UCP2: variants seen among roughly 807,000 people sequenced by gnomAD.
The protein encoded by UCP2 is dicarboxylate carrier SLC25A8.
In UCP2, 27 loss-of-function variants were observed where a neutral mutation model predicts 31.3. The ratio of observed to expected loss-of-function variants is 0.86; its 90% CI spans 0.64 to 1.19. The LOEUF (loss-of-function observed/expected upper bound fraction) is 1.19. UCP2 is among the 50% of genes most tolerant of loss of function. The probability of loss-of-function intolerance (pLI) is 0.00; values close to 1 mark genes in which losing one functional copy is unlikely to be tolerated. For missense variants in UCP2, 377 were observed against 413.5 expected (o/e 0.91, Z 0.76); for synonymous variants, 142 against 157.4 (o/e 0.90, Z 0.73).
Position 73,976,999 on chromosome 11 carries a change from C to T in UCP2, c.356G>A (p.Arg119His), listed in dbSNP as rs143754624. ...KGSEHASIGS[R>H]LLAGSTTGAL... ...ACCTGTGGTGCTGCCTGCTAGGAGGCGGCTCCCAATGCTGGCATCTGTGGG... is the reference window on the plus strand; with the variant it reads ...ACCTGTGGTGCTGCCTGCTAGGAGGTGGCTCCCAATGCTGGCATCTGTGGG... The change falls in exon 5 of 8, where the codon CGC (arginine) becomes CAC (histidine). Residue 119 changes from arginine (R) to histidine (H), a missense_variant. Physicochemically the swap from Arg to His is conservative, Grantham distance 29. Transcript: ENST00000663595. 10 of 1,600,316 alleles carry T rather than the reference C, an allele frequency of 6.2e-6. No homozygotes were observed. The highest frequency in any genetic ancestry group is 1.7e-4 in the Middle Eastern group (1 of 6,006).
In UCP2 at chr11:73,976,666, G is replaced by A. The variant is rs755206780; in HGVS notation, c.609C>T (p.Ala203=). Residue 203 remains alanine, a synonymous_variant, in exon 6 of 8, where the codon GCC becomes GCT. Coordinates refer to ENST00000663595, the MANE Select transcript of UCP2 (RefSeq NM_003355.3). ...CTGTCATGAGGTTGGCTTTCAGGAG[G>A]GCATCCTTGATGAGGTCATAGGTCA... The part of the protein sequence containing the change: ...ELVTYDLIKD[A]LLKANLMTDD... 2.0e-5 allele frequency: 33 copies of A among 1,613,988 alleles called. No individual in the cohort carries two copies. The highest frequency in any genetic ancestry group is 2.8e-5 in the Non-Finnish European group (33 of 1,180,032).
intron 3 of UCP2, 69 bp from the exon 4 acceptor site, chr11:73,978,165 G>A: frequency 6.2e-7 from 1 of 1,613,820 alleles, no homozygotes; most frequent in African/African-American, 1.3e-5. Flanking sequence ...TCATCTCGAT[G>A]CTCCAAACAC....
rs368831251 is a variant in UCP2, at chr11:73,977,970, C to T, written c.253G>A (p.Gly85Ser). ...PRSLYNGLVA[G>S]LQRQMSFASV... ...GCAAAGCTCATTTGGCGCTGCAGGCCGGCAACCAGCCCATTGTAGAGGCTT... is the reference window on the plus strand; with the variant it reads ...GCAAAGCTCATTTGGCGCTGCAGGCTGGCAACCAGCCCATTGTAGAGGCTT... The change falls in exon 4 of 8, where the codon GGC becomes AGC. Residue 85 changes from glycine to serine, a missense_variant. Physicochemically the swap from Gly to Ser is moderately conservative, Grantham distance 56. Coordinates refer to ENST00000663595, the MANE Select transcript of UCP2 (RefSeq NM_003355.3). The T allele has an allele frequency of 1.6e-5, 26 of 1,614,084 alleles. No individual in the cohort carries two copies. Among genetic ancestry groups the T allele is most frequent in the Admixed American group, 3.3e-5 (2 of 60,008 alleles).
At chr11:73,975,759 A>G in intron 6 of UCP2, 88 bp from the exon 7 acceptor site, 2 of 1,521,316 alleles carry the variant, frequency 1.3e-6, no homozygotes, top group Non-Finnish European at 1.8e-6. Context: ...ACGAGTTTTC[A>G]TGATTTTAAA....
At chr11:73,982,376 C>G (rs632862) in intron 1 of UCP2, among the ~76,000 whole-genome samples, 61,918 of 152,068 alleles carry the variant, frequency 0.41, 12,637 homozygotes, top group African/African-American at 0.45. Flanking sequence ...TGCTTGAGCT[C>G]AGCAGTTCGA....
rs1008950012 is a variant in UCP2, at chr11:73,975,195, C to T, written c.816-74G>A. 2.2e-6 allele frequency: 3 copies of T among 1,349,598 alleles called. No homozygotes were observed. The African/African-American group carries it at 4.3e-5, about 20-fold the overall frequency. 83.6% of individuals were successfully genotyped at this position (1,349,598 alleles called of 1,614,324 possible). On this transcript the variant is annotated intron_variant, in intron 7 of 7. Transcript: ENST00000663595. ...CCCTCACTGGGCCTGGTATTCAATC[C>T]AACCCAGTTGCTCTGTCCCAAAGGA...
intron 2 of UCP2, 92 bp downstream of exon 2, chr11:73,981,384 T>TA (rs1951453210): frequency 6.6e-6 from 1 of 151,894 alleles, no homozygotes; most frequent in South Asian, 2.1e-4. Context: ...GTGGGGATGG[T>TA]AATTATTTTT....
rs1353024511 is a variant in UCP2, at chr11:73,974,790, G to T, written c.*217C>A. 5.0e-6 allele frequency: 3 copies of T among 597,110 alleles called. No homozygotes were observed. The Admixed American group carries it at 8.5e-5, about 17-fold the overall frequency. 37.0% of individuals were successfully genotyped at this position (597,110 alleles called of 1,614,324 possible). ...CGCTTGGGATCCTGGCTGGTACGAG[G>T]CCTCCCACACTGTCAAATGTCAACT... On this transcript the variant is annotated 3_prime_UTR_variant, in exon 8 of 8. Transcript: ENST00000663595.
Position 73,978,020 on chromosome 11 carries a change from G to T in UCP2, c.203C>A (p.Thr68Asn), listed in dbSNP as rs938341664. 7.4e-6 allele frequency: 12 copies of T among 1,614,070 alleles called. No homozygotes were observed. Among genetic ancestry groups the T allele is most frequent in the African/African-American group, 4.0e-5 (3 of 74,912 alleles). The change falls in exon 4 of 8, where the codon ACC becomes AAC. Residue 68 changes from threonine to asparagine, a missense_variant. Coordinates refer to ENST00000663595, the MANE Select transcript of UCP2 (RefSeq NM_003355.3). ...TCGGGGGCCCTCAGTACGCACCATG[G>T]TCAGAATGGTGCCCATCACACCGCG... ...QYRGVMGTILTMVRTEGPRSL... is the reference protein window; with the variant it reads ...QYRGVMGTILNMVRTEGPRSL...
chr11:73,978,286 G>C lies in UCP2; in HGVS notation c.93C>G (p.Thr31=), dbSNP rs1210593270. The C allele has an allele frequency of 1.2e-6, 2 of 1,614,104 alleles. No homozygotes were observed. Among genetic ancestry groups the C allele is most frequent in the Middle Eastern group, 1.6e-4 (1 of 6,084 alleles). The change falls in exon 3 of 8, where the codon ACC becomes ACG. Residue 31 remains threonine, a synonymous_variant. Coordinates refer to ENST00000663595, the MANE Select transcript of UCP2 (RefSeq NM_003355.3). ...GGACTTTAGCAGTATCCAGAGGAAA[G>C]GTGATGAGATCTGCGATGCAGGCAG... is the stretch of plus-strand genomic sequence containing the variant. ...GTAACIADLI[T]FPLDTAKVRL... is the part of the protein sequence containing the mutation.
Position 73,977,028 on chromosome 11 carries a change from G to A in UCP2, c.338-11C>T. 1 of 1,594,928 alleles carries A rather than the reference G, an allele frequency of 6.3e-7. No individual in the cohort carries two copies. Among genetic ancestry groups the A allele is most frequent in the Non-Finnish European group, 8.6e-7 (1 of 1,168,006 alleles). ...TCCCAATGCTGGCATCTGTGGGCGA[G>A]CCATGGGGTCAGTGGCCAGCGGGCT... On this transcript the variant is annotated splice_polypyrimidine_tract_variant and intron_variant, in intron 4 of 7. Coordinates refer to ENST00000663595, the MANE Select transcript of UCP2 (RefSeq NM_003355.3).
rs112552361 is a variant in UCP2 at position 73,976,341 on chromosome 11, C to CT, written c.634+299dup. 2.6e-5 allele frequency among the ~76,000 whole-genome samples: 4 copies of CT among 151,984 alleles called. No individual in the cohort carries two copies. In the East Asian group the frequency reaches 5.8e-4, roughly 22 times the overall value. On this transcript the variant is annotated intron_variant, in intron 6 of 7. Coordinates refer to ENST00000663595, the MANE Select transcript of UCP2 (RefSeq NM_003355.3). ...ATTACACGGGTAACAGAGTGAGACT[C>CT]TATCTCAAAAAAAACAAAAAACAAA...
intron 6 of UCP2, among the ~76,000 whole-genome samples, chr11:73,976,025 C>T (rs960836204): frequency 7.9e-5 from 12 of 151,996 alleles, no homozygotes; most frequent in Admixed American, 3.3e-4. Flanking sequence ...ATTAATCACC[C>T]CACTGCACTC....
intron 6 of UCP2, 56 bp from the exon 7 acceptor site, chr11:73,975,727 CAGG>C: frequency 6.2e-7 from 1 of 1,601,608 alleles, no homozygotes; most frequent in African/African-American, 1.3e-5. Context: ...TTCCAGAAGG[CAGG>C]AGAATTACTT....
chr11:73,979,507 C>T (rs1202290714), intron 2 of UCP2, among the ~76,000 whole-genome samples: 1 of 152,064 alleles, frequency 6.6e-6, no homozygotes, highest in Non-Finnish European at 1.5e-5. Context: ...GATCGTGCCA[C>T]TGCACTCCAG....
rs1180203205 is a variant in UCP2 at position 73,978,273 on chromosome 11, T to C, written c.106A>G (p.Thr36Ala). Residue 36 changes from threonine (T) to alanine (A), a missense_variant, in exon 3 of 8, where the codon ACT (threonine) becomes GCT (alanine). Thr to Ala is a moderately conservative substitution (Grantham distance 58, BLOSUM62 0). Transcript: ENST00000663595. ...IADLITFPLD[T>A]AKVRLQIQGE... ...CTCACCTGTAACCGGACTTTAGCAG[T>C]ATCCAGAGGAAAGGTGATGAGATCT... The C allele has an allele frequency of 8.1e-6, 13 of 1,614,014 alleles. No individual in the cohort carries two copies. The highest frequency in any genetic ancestry group is 1.1e-5 in the South Asian group (1 of 91,088).
chr11:73,981,328 T>A (rs763767022), intron 2 of UCP2, 148 bp downstream of exon 2: 1 of 151,858 alleles, frequency 6.6e-6, no homozygotes, highest in Non-Finnish European at 1.5e-5. Flanking sequence ...AGCGGGGAGG[T>A]GTGAGAGTGC....
At chr11:73,978,553 T>C (rs1951401507) in intron 2 of UCP2, 76 bp from the exon 3 acceptor site, 8 of 913,124 alleles carry the variant, frequency 8.8e-6, no homozygotes, top group Non-Finnish European at 1.3e-5. Flanking sequence ...CAAACTCACC[T>C]TCCCTAATAG....
Position 73,976,806 on chromosome 11 carries a change from A to G in UCP2, c.532+17T>C. ...CGGGGAGGAGGAAAAGGGGAAGGGA[A>G]AACAACTGGTACACACCTTTCCAGA... On this transcript the variant is annotated intron_variant, in intron 5 of 7. Transcript: ENST00000663595. The G allele has an allele frequency of 6.2e-7, 1 of 1,614,234 alleles. No homozygotes were observed. The highest frequency in any genetic ancestry group is 1.1e-5 in the South Asian group (1 of 91,082).
Sources: gnomAD v4.1 joint callset for allele counts (sites outside exome capture counted in the v4.1 genomes callset) on GRCh38, gnomAD v4.1.1 for gene constraint, MANE v1.5 for transcripts, NCBI Gene and HGNC (gene_info 2026-07-23, HGNC 2026-07-21) for gene names.